CPS1: variants seen among roughly 807,000 people sequenced by gnomAD.
The protein encoded by CPS1 is carbamoyl-phosphate synthase [ammonia], mitochondrial.
Under a neutral mutation model 174.6 loss-of-function variants are expected in CPS1, and 109 were observed. The ratio of observed to expected loss-of-function variants is 0.62; its 90% CI spans 0.53 to 0.73. The LOEUF is 0.73. CPS1 is among the 30% of genes least tolerant of loss of function. The pLI is 0.00. For missense variants in CPS1, 1,689 were observed against 1,821.9 expected, an observed-to-expected ratio of 0.93 and a Z score of 1.33; for synonymous variants, 637 against 632.0, an observed-to-expected ratio of 1.01 and a Z score of -0.12.
At chr2:210,506,337 G>T (rs906751571) in intron 1 of CPS1, among the ~76,000 whole-genome samples, 2 of 151,998 alleles carry the variant, frequency 1.3e-5, no homozygotes, top group Non-Finnish European at 2.9e-5. Flanking sequence ...ACTGTTAGAA[G>T]GAAAACTAAC....
intron 1 of CPS1, among the ~76,000 whole-genome samples, chr2:210,524,128 C>A (rs1352535671): frequency 2.6e-5 from 4 of 152,028 alleles, no homozygotes; most frequent in Admixed American, 1.3e-4. Context: ...CCATGCCTTC[C>A]TTCTAACATG....
intron 30 of CPS1, 59 bp downstream of exon 30, chr2:210,656,691 A>T: frequency 1.7e-6 from 2 of 1,171,666 alleles, no homozygotes; most frequent in Non-Finnish European, 2.5e-6. Context: ...AAAACACCTA[A>T]GGTTTTTTTT....
chr2:210,491,241 A>G (rs1694865648), intron 1 of CPS1, among the ~76,000 whole-genome samples: 1 of 150,504 alleles, frequency 6.6e-6, no homozygotes, highest in Non-Finnish European at 1.5e-5. Flanking sequence ...GAGTTCCTGC[A>G]GGAATGATTT....
intron 1 of CPS1, among the ~76,000 whole-genome samples, chr2:210,545,135 T>C (rs868268528): frequency 2.6e-5 from 4 of 152,196 alleles, no homozygotes; most frequent in Middle Eastern, 3.4e-3. Flanking sequence ...AAGAAAAAGA[T>C]TAATCTCCTT....
At position 210,616,509 on chromosome 2, in the gene CPS1, A is replaced by C; in HGVS notation, c.2655A>C (p.Leu885Phe). ...TTTTGTATAAGATGCGTGATATTTT[A>C]AACATGGAAAAGACACTGAAAGGCC... ...KWFLYKMRDI[L>F]NMEKTLKGLN... Residue 885 changes from leucine to phenylalanine, a missense_variant, in exon 21 of 38, where the codon TTA becomes TTC. Coordinates refer to ENST00000233072, the MANE Select transcript of CPS1 (RefSeq NM_001875.5). The C allele has an allele frequency of 6.2e-7, 1 of 1,611,204 alleles. No individual in the cohort carries two copies. Among genetic ancestry groups the C allele is most frequent in the Non-Finnish European group, 8.5e-7 (1 of 1,177,766 alleles).
upstream of CPS1, among the ~76,000 whole-genome samples, chr2:210,551,780 A>G (rs1182937687): frequency 2.0e-5 from 3 of 151,974 alleles, no homozygotes; most frequent in African/African-American, 7.2e-5. Context: ...ATCTTAATGA[A>G]TAGGTTTTAC....
In CPS1 at chr2:210,647,962, C is replaced by A; in HGVS notation, c.3241C>A (p.Leu1081Met). ...TGTCAAGATCATGGGCACAAGCCCC[C>A]TGCAGATCGACAGGGCTGAGGATCG... Reference protein sequence around the residue: ...NGVKIMGTSPLQIDRAEDRSI... With the variant: ...NGVKIMGTSPMQIDRAEDRSI... Residue 1081 changes from leucine to methionine, a missense_variant, in exon 26 of 38, where the codon CTG becomes ATG. Coordinates refer to ENST00000233072, the MANE Select transcript of CPS1 (RefSeq NM_001875.5). 3 of 1,614,066 alleles carry A rather than the reference C, an allele frequency of 1.9e-6. No homozygotes were observed. Among genetic ancestry groups the A allele is most frequent in the Non-Finnish European group, 1.7e-6 (2 of 1,179,956 alleles).
chr2:210,657,198 T>C (rs10179212), intron 30 of CPS1, among the ~76,000 whole-genome samples: 148,146 of 152,258 alleles, frequency 0.97, 72,231 homozygotes, highest in Middle Eastern at 1. Flanking sequence ...ACAGCACTTT[T>C]TGATATCTCT....
intron 1 of CPS1, among the ~76,000 whole-genome samples, chr2:210,505,306 G>C (rs1412477168): frequency 6.6e-6 from 1 of 151,438 alleles, no homozygotes; most frequent in Non-Finnish European, 1.5e-5. Flanking sequence ...AATTACTTTA[G>C]CACCAACCTA....
chr2:210,536,993 A>G (rs1411799866), intron 1 of CPS1, among the ~76,000 whole-genome samples: 1 of 152,224 alleles, frequency 6.6e-6, no homozygotes, highest in Non-Finnish European at 1.5e-5. Flanking sequence ...TTTATATCAT[A>G]TTCATGAACA....
rs191973735 is a variant in CPS1, at chr2:210,641,946, C to A, written c.2960-538C>A. On this transcript the variant is annotated intron_variant, in intron 24 of 37. Coordinates refer to ENST00000233072, the MANE Select transcript of CPS1 (RefSeq NM_001875.5). Reference sequence around the variant, plus strand: ...AAGGTCACTCACTCTGCATGGGTGGCCTTGCCAAGTTTAAAAGGATATGCT... The same window carrying A: ...AAGGTCACTCACTCTGCATGGGTGGACTTGCCAAGTTTAAAAGGATATGCT... 1.3e-3 allele frequency among the ~76,000 whole-genome samples: 204 copies of A among 152,224 alleles called. 2 individuals are homozygous for A. The highest frequency in any genetic ancestry group is 1.7e-3 in the Non-Finnish European group (114 of 68,012).
intron 7 of CPS1, 125 bp from the exon 8 acceptor site, chr2:210,589,981 A>G (rs1698232902): frequency 7.5e-7 from 1 of 1,335,526 alleles, no homozygotes; most frequent in Middle Eastern, 2.4e-4. Context: ...AGCATTATTT[A>G]TTTTAAATGT....
intron 1 of CPS1, among the ~76,000 whole-genome samples, chr2:210,543,185 G>A (rs1350569743): frequency 2.6e-5 from 4 of 152,144 alleles, no homozygotes; most frequent in Admixed American, 2.6e-4. Context: ...TCCTATGTGG[G>A]CTCACGTTGC....
rs114778799 is a variant in CPS1 at position 210,496,740 on chromosome 2, T to C, written c.3+18974T>C. Among the ~76,000 whole-genome samples the C allele has an allele frequency of 8.1e-3, 1,237 of 152,280 alleles. 12 individuals are homozygous for C. The highest frequency in any genetic ancestry group is 0.028 in the African/African-American group (1,168 of 41,568). ...CAGGCACACTTCCTCCTCAGGGCTT[T>C]GGTACTTGCTCTTCTATTTGCTTGA... On this transcript the variant is annotated intron_variant, in intron 1 of 38. Transcript: ENST00000430249.
At chr2:210,546,732 G>A (rs1433833121) in intron 1 of CPS1, among the ~76,000 whole-genome samples, 1 of 152,068 alleles carries the variant, frequency 6.6e-6, no homozygotes, top group African/African-American at 2.4e-5. Flanking sequence ...GAAAACTTCA[G>A]CAGACAGAAG....
chr2:210,560,412 A>G (rs532866913), intron 1 of CPS1, among the ~76,000 whole-genome samples: 1 of 152,278 alleles, frequency 6.6e-6, no homozygotes, highest in Non-Finnish European at 1.5e-5. Flanking sequence ...TTACTTGCAA[A>G]TGAATTTGGA....
At chr2:210,571,461 A>AT in intron 1 of CPS1, among the ~76,000 whole-genome samples, 1 of 151,976 alleles carries the variant, frequency 6.6e-6, no homozygotes, top group Non-Finnish European at 1.5e-5. Context: ...CGTACCTCTG[A>AT]TTTAAAAAAA....
At chr2:210,664,764 A>T (rs1347803748) in intron 33 of CPS1, among the ~76,000 whole-genome samples, 1 of 152,202 alleles carries the variant, frequency 6.6e-6, no homozygotes, top group Non-Finnish European at 1.5e-5. Context: ...TCAAGTATAA[A>T]GAGAATTTTT....
Position 210,678,111 on chromosome 2 carries a change from G to A in CPS1, c.*126G>A. 1.2e-6 allele frequency: 1 copy of A among 809,674 alleles called. No individual in the cohort carries two copies. The highest frequency in any genetic ancestry group is 1.4e-5 in the South Asian group (1 of 73,352). The allele number at this position is 809,674 out of a possible 1,614,324, so 50.2% of individuals were successfully genotyped here. On this transcript the variant is annotated 3_prime_UTR_variant, in exon 38 of 38. Transcript: ENST00000233072. Reference sequence around the variant, plus strand: ...ACTTCATTTCAGTTTACTTTGTTATGCCTTAATATTCTGTGTCTTTTGCAA... The same window carrying A: ...ACTTCATTTCAGTTTACTTTGTTATACCTTAATATTCTGTGTCTTTTGCAA...
Sources: gnomAD v4.1 joint callset for allele counts (sites outside exome capture counted in the v4.1 genomes callset) on GRCh38, gnomAD v4.1.1 for gene constraint, MANE v1.5 for transcripts, NCBI Gene and HGNC (gene_info 2026-07-23, HGNC 2026-07-21) for gene names.